Variants in HMX1 observed in about 807,000 individuals in gnomAD.
The protein encoded by HMX1 is H6 family homeobox 1.
HMX1 carries 8 observed loss-of-function variants against 8.9 expected under a neutral mutation model. The observed-to-expected ratio is 0.90, with a 90% confidence interval of 0.53 to 1.63. The LOEUF (loss-of-function observed/expected upper bound fraction) is 1.63, where lower values mean the gene tolerates loss of function less well. Ranked by LOEUF, HMX1 falls within the 40% of genes most tolerant of loss-of-function variation. The pLI is 0.00. For missense variants in HMX1, 621 were observed against 558.5 expected (o/e 1.11, Z -1.13); for synonymous variants, 311 against 283.4 (o/e 1.10, Z -0.98).
chr4:8,863,448 C>T (rs1721896336), downstream of HMX1, among the ~76,000 whole-genome samples: 2 of 152,244 alleles, frequency 1.3e-5, no homozygotes, highest in South Asian at 2.1e-4. Context: ...GGGTTGCCTT[C>T]GGAGTGGGCT....
rs995210821 is a variant in HMX1, at chr4:8,847,092, G to A, written c.395-768C>T. On this transcript the variant is annotated intron_variant, in intron 1 of 1. Coordinates refer to the HMX1 transcript ENST00000506970. This position sits in a 1 kb window ranked among gnomAD's most constrained non-coding sequence, Gnocchi z 6.0. The stretch of plus-strand genomic sequence containing the variant: ...CACAGTGGCAAAGTGGGAATTCCCT[G>A]ACCATTTGCATTGCCACATCAAGGG... 1.3e-5 allele frequency among the ~76,000 whole-genome samples: 2 copies of A among 152,076 alleles called. No homozygotes were observed. Among genetic ancestry groups the A allele is most frequent in the African/African-American group, 4.8e-5 (2 of 41,404 alleles).
rs1722026724 is a variant in HMX1 at position 8,867,218 on chromosome 4, A to G, written c.*475T>C. ...CTCCACCAGCACCCGCGAGAGGGGT[A>G]GCACAGCCCTCCGGGCCGGCCTGCT... On this transcript the variant is annotated 3_prime_UTR_variant, in exon 2 of 2. Transcript: ENST00000400677. 3 of 985,736 alleles carry G rather than the reference A, an allele frequency of 3.0e-6. No individual in the cohort carries two copies. The Admixed American group carries it at 1.8e-4, about 61-fold the overall frequency. The allele number at this position is 985,736 out of a possible 1,614,324, so 61.1% of individuals were successfully genotyped here.
intron 1 of HMX1, chr4:8,858,747 GTCCTGGAGTCGGTCCTGAGTGCAT>G (rs1436313411): frequency 1.3e-5 from 2 of 152,310 alleles, no homozygotes; most frequent in Non-Finnish European, 2.9e-5. Context: ...AAAAACGAAG[GTCCTGGAGTCGGTCCTGAGTGCAT>G]TCCTCCACTG....
chr4:8,859,974 G>A (rs1373773576), intron 1 of HMX1, among the ~76,000 whole-genome samples: 3 of 152,262 alleles, frequency 2.0e-5, no homozygotes, highest in Non-Finnish European at 4.4e-5. Flanking sequence ...AGGCACAACT[G>A]CCCGTGGTGG....
chr4:8,865,245 C>T (rs947826095), downstream of HMX1, among the ~76,000 whole-genome samples: 12 of 152,238 alleles, frequency 7.9e-5, no homozygotes, highest in Non-Finnish European at 1.6e-4. Context: ...GCACCCACAT[C>T]GGCCAGAAGC....
rs981556190 is a variant in HMX1, at chr4:8,847,286, A to ATAATT, written c.395-967_395-963dup. Among the ~76,000 whole-genome samples, 2 of 152,188 alleles carry ATAATT rather than the reference A, an allele frequency of 1.3e-5. No homozygotes were observed. The highest frequency in any genetic ancestry group is 4.8e-5 in the African/African-American group (2 of 41,440). On this transcript the variant is annotated intron_variant, in intron 1 of 1. Transcript: ENST00000506970. This position sits in a 1 kb window ranked among gnomAD's most constrained non-coding sequence, Gnocchi z 6.0. ...CTGTCTTTAAAAATTAAAAAAAATA[A>ATAATT]TAATTTAATTTAATTTAAAAAGCCA...
chr4:8,868,313 C>T lies in HMX1; in HGVS notation c.427G>A (p.Glu143Lys), dbSNP rs1722096958. 1.4e-6 allele frequency: 2 copies of T among 1,436,818 alleles called. No homozygotes were observed. The highest frequency in any genetic ancestry group is 1.8e-6 in the Non-Finnish European group (2 of 1,100,560). 89.0% of individuals were successfully genotyped at this position (1,436,818 alleles called of 1,614,324 possible). A position where few individuals can be genotyped will look rare whatever the true frequency, so the allele number is the denominator to read the frequency against. The part of the protein sequence containing the change: ...SDRDSPETGE[E>K]MGRAEGAWPR... Reference sequence around the variant, plus strand: ...CAGGCGCCCTCCGCACGGCCCATCTCCTCGCCCGTCTCCGGTGAGTCCCGG... The same window carrying T: ...CAGGCGCCCTCCGCACGGCCCATCTTCTCGCCCGTCTCCGGTGAGTCCCGG... Residue 143 changes from glutamate (E) to lysine (K), a missense_variant, in exon 2 of 2, where the codon GAG becomes AAG. Transcript: ENST00000400677. The surrounding 1 kb of genome is among the most constrained non-coding windows in gnomAD (Gnocchi z 4.6).
rs1245181850 is a variant in HMX1, at chr4:8,849,166, G to A, written c.395-2842C>T. 1.3e-5 allele frequency among the ~76,000 whole-genome samples: 2 copies of A among 151,996 alleles called. No individual in the cohort carries two copies. The highest frequency in any genetic ancestry group is 2.4e-5 in the African/African-American group (1 of 41,390). On this transcript the variant is annotated intron_variant, in intron 1 of 1. Transcript: ENST00000506970. This position sits in a 1 kb window ranked among gnomAD's most constrained non-coding sequence, Gnocchi z 6.6. ...AAGCCTTTTCATGAGGTTGTGAGAC[G>A]GGTCCAACCATGGCAGCTGTCATGA...
rs948323338 is a variant in HMX1 at position 8,849,861 on chromosome 4, CG to C, written c.395-3538del. Among the ~76,000 whole-genome samples, 1 of 152,212 alleles carries C rather than the reference CG, an allele frequency of 6.6e-6. No individual in the cohort carries two copies. The highest frequency in any genetic ancestry group is 6.5e-5 in the Admixed American group (1 of 15,288). On this transcript the variant is annotated intron_variant, in intron 1 of 1. Coordinates refer to the HMX1 transcript ENST00000506970. This position sits in a 1 kb window ranked among gnomAD's most constrained non-coding sequence, Gnocchi z 6.6. ...TTGTCATTTAACTCCACCCTCAGCC[CG>C]GAGTCTTCAGATGAGGGTTCTCTGC...
chr4:8,860,739 T>A (rs1396781010), intron 1 of HMX1: 1 of 152,392 alleles, frequency 6.6e-6, no homozygotes. Context: ...ATCAGACGCC[T>A]CCCTTCTCCG....
Position 8,871,495 on chromosome 4 carries a change from G to T in HMX1, c.120C>A (p.Gly40=). 7.5e-7 allele frequency: 1 copy of T among 1,339,572 alleles called. No homozygotes were observed. Among genetic ancestry groups the T allele is most frequent in the Non-Finnish European group, 9.6e-7 (1 of 1,042,628 alleles). The allele number at this position is 1,339,572 out of a possible 1,614,324, so 83.0% of individuals were successfully genotyped here. ...KGAGRATQGD[G]SREDEEEDDD... is the part of the protein sequence containing the mutation. The stretch of plus-strand genomic sequence containing the variant: ...CGTCCTCCTCCTCGTCCTCCCGGCT[G>T]CCGTCGCCCTGGGTCGCGCGCCCTG... The change falls in exon 1 of 2, where the codon GGC becomes GGA. Residue 40 remains glycine, a synonymous_variant. Transcript: ENST00000400677. This position sits in a 1 kb window ranked among gnomAD's most constrained non-coding sequence, Gnocchi z 4.8.
At position 8,853,802 on chromosome 4, in the gene HMX1, G is replaced by A. The variant is rs1009588582; in HGVS notation, c.395-7478C>T. Among the ~76,000 whole-genome samples the A allele has an allele frequency of 5.3e-5, 8 of 151,314 alleles. No homozygotes were observed. In the East Asian group the frequency reaches 5.9e-4, roughly 11 times the overall value. On this transcript the variant is annotated intron_variant, in intron 1 of 1. Coordinates refer to the HMX1 transcript ENST00000506970. The surrounding 1 kb of genome is among the most constrained non-coding windows in gnomAD (Gnocchi z 4.7). ...CGGGAGGTGGAGGTTGCAGTGAGCCGAGATCACACCACTGCACTCCAGCCT... is the reference window on the plus strand; with the variant it reads ...CGGGAGGTGGAGGTTGCAGTGAGCCAAGATCACACCACTGCACTCCAGCCT...
chr4:8,861,144 G>A (rs1313284838), intron 1 of HMX1, among the ~76,000 whole-genome samples: 5 of 152,158 alleles, frequency 3.3e-5, no homozygotes, highest in Non-Finnish European at 7.3e-5. Context: ...TTCCATCTAG[G>A]TCGGGCAGCC....
At chr4:8,854,454 C>T (rs1165514964) in intron 1 of HMX1, among the ~76,000 whole-genome samples, 1 of 152,246 alleles carries the variant, frequency 6.6e-6, no homozygotes. Flanking sequence ...TTAAACTTCA[C>T]ATGGATTAAA....
rs762544915 is a variant in HMX1 at position 8,868,197 on chromosome 4, C to T, written c.543G>A (p.Glu181=). The part of the protein sequence containing the change: ...GPAAGTEEAS[E]LAEVPAAAGE... The stretch of plus-strand genomic sequence containing the variant: ...CAGCCGCCGCAGGGACCTCGGCCAG[C>T]TCCGACGCCTCCTCCGTGCCGGCCG... Residue 181 remains glutamate (E), a synonymous_variant, in exon 2 of 2, where the codon GAG becomes GAA. Coordinates refer to ENST00000400677, the MANE Select transcript of HMX1 (RefSeq NM_018942.3). The surrounding 1 kb of genome is among the most constrained non-coding windows in gnomAD (Gnocchi z 4.6). The T allele has an allele frequency of 1.4e-6, 2 of 1,475,820 alleles. No individual in the cohort carries two copies. Among genetic ancestry groups the T allele is most frequent in the South Asian group, 2.6e-5 (2 of 77,346 alleles). The allele number at this position is 1,475,820 out of a possible 1,614,324, so 91.4% of individuals were successfully genotyped here. A position where few individuals can be genotyped will look rare whatever the true frequency, so the allele number is the denominator to read the frequency against.
In HMX1 at chr4:8,855,954, C is replaced by T. The variant is rs551624745; in HGVS notation, c.395-9630G>A. On this transcript the variant is annotated intron_variant, in intron 1 of 1. Transcript: ENST00000506970. ...ATGTGGTGGGGTCCCTGGGGATCTA[C>T]GCCCTCCAGCGGACAGTAGCATGCT... Among the ~76,000 whole-genome samples the T allele has an allele frequency of 3.4e-4, 52 of 152,334 alleles. 1 individual carries two copies. The highest frequency in any genetic ancestry group is 1.2e-3 in the African/African-American group (51 of 41,580).
At chr4:8,854,004 C>T (rs934809124) in intron 1 of HMX1, among the ~76,000 whole-genome samples, 21 of 152,302 alleles carry the variant, frequency 1.4e-4, no homozygotes, top group African/African-American at 3.6e-4. Context: ...TGCCCTGAGC[C>T]GACCCATGGC....
chr4:8,851,165 G>A (rs1325638636), intron 1 of HMX1, among the ~76,000 whole-genome samples: 1 of 152,236 alleles, frequency 6.6e-6, no homozygotes, highest in Non-Finnish European at 1.5e-5. Flanking sequence ...TCTGACTCAA[G>A]CCTGAGGGCC....
intron 1 of HMX1, chr4:8,860,778 C>G (rs151175136): frequency 0.027 from 4,062 of 152,612 alleles, 192 homozygotes; most frequent in African/African-American, 0.092. Flanking sequence ...GCAGCTTGAG[C>G]TCACCGCCCT....
Sources: allele counts gnomAD v4.1 joint callset (sites outside exome capture counted in the v4.1 genomes callset), GRCh38; gene constraint gnomAD v4.1.1; non-coding constraint Gnocchi (gnomAD v3.1); transcripts MANE v1.5; gene names NCBI Gene and HGNC (gene_info 2026-07-23, HGNC 2026-07-21).